The following MED12L variants were observed in gnomAD, a reference collection of about 807,000 sequenced individuals.
The protein encoded by MED12L is mediator of RNA polymerase II transcription subunit 12-like protein.
MED12L carries 60 observed loss-of-function variants against 281.3 expected under a neutral mutation model. That is an observed-to-expected ratio of 0.21 (90% CI 0.17 to 0.26). MED12L has a LOEUF of 0.26. Ranked by LOEUF, MED12L falls within the 10% of genes least tolerant of loss-of-function variation. The pLI is 1.00. For synonymous variants in MED12L, 974 were observed against 987.2 expected (o/e 0.99, Z 0.25); for missense variants, 2,146 against 2,680.9 (o/e 0.80, Z 4.41).
At chr3:151,338,353 T>A (rs1751321549) in intron 16 of MED12L, 1 of 1,614,154 alleles carries the variant, frequency 6.2e-7, no homozygotes, top group Non-Finnish European at 8.5e-7. Context: ...CTCGGCTGCC[T>A]GTTGGTCAGA....
chr3:151,254,264 T>C (rs932266171), intron 16 of MED12L, among the ~76,000 whole-genome samples: 2 of 152,196 alleles, frequency 1.3e-5, no homozygotes, highest in Non-Finnish European at 2.9e-5. Context: ...TGTGCACGTT[T>C]CCCTTTACCA....
intron 1 of MED12L, 129 bp from the exon 2 acceptor site, chr3:151,086,669 G>C: frequency 2.9e-6 from 1 of 344,622 alleles, no homozygotes; most frequent in Non-Finnish European, 5.3e-6. Flanking sequence ...TCCCTCCGCC[G>C]CCGCCACCGG....
At chr3:151,122,701 C>A in intron 3 of MED12L, 82 bp from the exon 4 acceptor site, 3 of 971,976 alleles carry the variant, frequency 3.1e-6, no homozygotes, top group Non-Finnish European at 4.3e-6. Context: ...TCAATTGAAA[C>A]AATAAAGAAA....
chr3:151,116,250 A>G, intron 2 of MED12L, 88 bp from the exon 3 acceptor site: 1 of 858,128 alleles, frequency 1.2e-6, no homozygotes, highest in South Asian at 1.7e-5. Flanking sequence ...AGAGTATAAC[A>G]AATTTAGCCA....
At chr3:151,302,402 A>G (rs538163599) in intron 16 of MED12L, among the ~76,000 whole-genome samples, 5 of 152,354 alleles carry the variant, frequency 3.3e-5, no homozygotes, top group African/African-American at 1.2e-4. Context: ...AAGAGATCAC[A>G]ATAGACTTTT....
At chr3:151,351,266 A>C (rs1017339289) in intron 17 of MED12L, among the ~76,000 whole-genome samples, 1 of 152,222 alleles carries the variant, frequency 6.6e-6, no homozygotes, top group African/African-American at 2.4e-5. Context: ...CATGGTGCAC[A>C]TGCAGAAACA....
intron 16 of MED12L, among the ~76,000 whole-genome samples, chr3:151,262,081 T>C (rs1367899291): frequency 6.6e-6 from 1 of 152,230 alleles, no homozygotes; most frequent in Non-Finnish European, 1.5e-5. Flanking sequence ...CTGTTAAAAC[T>C]ACTATTTTTT....
chr3:151,299,521 C>T (rs1037759202), intron 16 of MED12L, among the ~76,000 whole-genome samples: 2 of 150,136 alleles, frequency 1.3e-5, no homozygotes, highest in African/African-American at 2.5e-5. Context: ...CTCTGTCACC[C>T]AGGCTGGAGT....
chr3:151,329,601 A>G, intron 16 of MED12L: 1 of 1,120,014 alleles, frequency 8.9e-7, no homozygotes, highest in South Asian at 1.4e-5. Flanking sequence ...CCTTATTTTT[A>G]CTTATGTAAT....
chr3:151,373,175 G>A (rs9859538), intron 27 of MED12L, among the ~76,000 whole-genome samples: 62,180 of 151,826 alleles, frequency 0.41, 15,146 homozygotes, highest in Non-Finnish European at 0.55. Flanking sequence ...GCCACAGTTC[G>A]ATTTTATTAA....
intron 16 of MED12L, among the ~76,000 whole-genome samples, chr3:151,246,802 G>A (rs1377138593): frequency 6.6e-6 from 1 of 152,140 alleles, no homozygotes; most frequent in African/African-American, 2.4e-5. Flanking sequence ...CTTCTGCACA[G>A]CAAAAGATAC....
intron 16 of MED12L, among the ~76,000 whole-genome samples, chr3:151,323,474 C>T (rs1305089818): frequency 1.3e-5 from 2 of 152,204 alleles, no homozygotes; most frequent in African/African-American, 4.8e-5. Flanking sequence ...ATGTCATGTG[C>T]TGTAGGCTCA....
At position 151,372,808 on chromosome 3, in the gene MED12L, C is replaced by G. The variant is rs777375456; in HGVS notation, c.3864+42C>G. 42 of 1,527,664 alleles carry G rather than the reference C, an allele frequency of 2.7e-5. No homozygotes were observed. In the Admixed American group the frequency reaches 3.4e-4, roughly 12 times the overall value. 94.6% of individuals were successfully genotyped at this position (1,527,664 alleles called of 1,614,324 possible). A position where few individuals can be genotyped will look rare whatever the true frequency, so the allele number is the denominator to read the frequency against. On this transcript the variant is annotated intron_variant, in intron 27 of 44. Coordinates refer to ENST00000687756, the MANE Select transcript of MED12L (RefSeq NM_001393769.1). ...TGCCTTTTACTTTGAGTACGTAACTCTTCTTTTGGAGAGAGCTACTTACAC... is the reference window on the plus strand; with the variant it reads ...TGCCTTTTACTTTGAGTACGTAACTGTTCTTTTGGAGAGAGCTACTTACAC...
chr3:151,423,699 AT>A (rs1230716829), intron 43 of MED12L, among the ~76,000 whole-genome samples: 1 of 152,222 alleles, frequency 6.6e-6, no homozygotes, highest in Non-Finnish European at 1.5e-5. Flanking sequence ...TCTTGTTGTG[AT>A]TAAGTTAATT....
intron 2 of MED12L, among the ~76,000 whole-genome samples, chr3:151,102,191 G>A (rs1721471627): frequency 1.3e-5 from 2 of 152,136 alleles, no homozygotes; most frequent in Admixed American, 6.5e-5. Context: ...TGCTTGTCCT[G>A]TGCTTTAAAT....
chr3:151,368,685 A>ATTTTTTTT (rs869105325), intron 25 of MED12L, among the ~76,000 whole-genome samples: 3 of 41,370 alleles, frequency 7.3e-5, no homozygotes, highest in African/African-American at 4.4e-4. Flanking sequence ...ATGTCATTTC[A>ATTTTTTTT]TTTTATTTCA....
At chr3:151,244,401 A>G (rs1401872543) in intron 16 of MED12L, among the ~76,000 whole-genome samples, 1 of 135,234 alleles carries the variant, frequency 7.4e-6, no homozygotes, top group Non-Finnish European at 1.6e-5. Context: ...AAAGAACAGA[A>G]ATTATAACAA....
At chr3:151,304,567 C>T (rs2149741363) in intron 16 of MED12L, among the ~76,000 whole-genome samples, 1 of 144,734 alleles carries the variant, frequency 6.9e-6, no homozygotes, top group East Asian at 2.0e-4. Flanking sequence ...GAGACTGTCT[C>T]AAAAAAAAAT....
chr3:151,139,595 C>G (rs539154353), intron 5 of MED12L, among the ~76,000 whole-genome samples: 4 of 152,230 alleles, frequency 2.6e-5, no homozygotes, highest in African/African-American at 9.6e-5. Flanking sequence ...TAGACCTACT[C>G]AAGTTGTGAG....
Sources: gnomAD v4.1 joint callset for allele counts (sites outside exome capture counted in the v4.1 genomes callset) on GRCh38, gnomAD v4.1.1 for gene constraint, MANE v1.5 for transcripts, NCBI Gene and HGNC (gene_info 2026-07-23, HGNC 2026-07-21) for gene names.